ROBO1: variants seen among roughly 807,000 people sequenced by gnomAD.
ROBO1 encodes roundabout homolog 1.
Under a neutral mutation model 195.9 loss-of-function variants are expected in ROBO1, and 149 were observed. That is an observed-to-expected ratio of 0.76 (90% CI 0.67 to 0.87). ROBO1 has a LOEUF of 0.87. Ranked by LOEUF, ROBO1 falls within the 40% of genes least tolerant of loss-of-function variation. ROBO1 has a pLI of 0.00. For synonymous variants in ROBO1, 816 were observed against 733.2 expected (o/e 1.11, Z -1.82); for missense variants, 1,933 against 2,068.3 (o/e 0.93, Z 1.27).
chr3:78,850,529 T>C (rs72896444), intron 4 of ROBO1, among the ~76,000 whole-genome samples: 4,261 of 152,266 alleles, frequency 0.028, 149 homozygotes, highest in African/African-American at 0.087. Flanking sequence ...ATAAATGTCA[T>C]AGGTAGAATA....
intron 1 of ROBO1, among the ~76,000 whole-genome samples, chr3:79,614,519 CATG>C (rs1433881296): frequency 1.2e-4 from 18 of 152,004 alleles, no homozygotes; most frequent in Non-Finnish European, 2.1e-4. Context: ...AGCGATGCCT[CATG>C]ATATTTGGTC....
At chr3:78,807,613 GAA>G (rs2084587087) in intron 4 of ROBO1, among the ~76,000 whole-genome samples, 1 of 152,234 alleles carries the variant, frequency 6.6e-6, no homozygotes, top group African/African-American at 2.4e-5. Context: ...CAGAAAAGGT[GAA>G]GTTACTAGGC....
chr3:78,803,555 G>A (rs147911804), intron 4 of ROBO1, among the ~76,000 whole-genome samples: 69 of 152,164 alleles, frequency 4.5e-4, no homozygotes, highest in African/African-American at 1.6e-3. Context: ...TAGTTCCTGC[G>A]AGTAAGTCGT....
intron 4 of ROBO1, among the ~76,000 whole-genome samples, chr3:78,883,958 A>G (rs1225557742): frequency 6.6e-6 from 1 of 152,280 alleles, no homozygotes; most frequent in South Asian, 2.1e-4. Context: ...CATGTGCAAA[A>G]TCAGAGAGCC....
At chr3:79,451,239 G>A (rs565713379) in intron 2 of ROBO1, among the ~76,000 whole-genome samples, 1 of 152,122 alleles carries the variant, frequency 6.6e-6, no homozygotes, top group Non-Finnish European at 1.5e-5. Flanking sequence ...TAAAATGCTG[G>A]AAACTTCACA....
chr3:78,804,142 T>C (rs920167305), intron 4 of ROBO1, among the ~76,000 whole-genome samples: 1 of 152,150 alleles, frequency 6.6e-6, no homozygotes, highest in East Asian at 1.9e-4. Context: ...TAAAAAATAA[T>C]AGCATTAATA....
intron 3 of ROBO1, among the ~76,000 whole-genome samples, chr3:79,064,770 A>G (rs1187849146): frequency 6.6e-6 from 1 of 151,996 alleles, no homozygotes; most frequent in African/African-American, 2.4e-5. Context: ...CTGGTCCCAG[A>G]TAGATTTCAT....
chr3:78,714,755 G>A (rs954340778), intron 7 of ROBO1: 2 of 391,834 alleles, frequency 5.1e-6, no homozygotes, highest in South Asian at 7.4e-5. Context: ...GGTAAAGTTG[G>A]CATTTATTTA....
chr3:79,615,998 A>C (rs577273530), intron 1 of ROBO1, among the ~76,000 whole-genome samples: 3 of 152,312 alleles, frequency 2.0e-5, no homozygotes, highest in Admixed American at 6.5e-5. Flanking sequence ...AGGAACTTGC[A>C]GTTCCACGGA....
At chr3:78,741,299 G>A (rs1483687696) in intron 5 of ROBO1, among the ~76,000 whole-genome samples, 2 of 152,094 alleles carry the variant, frequency 1.3e-5, no homozygotes, top group South Asian at 4.2e-4. Context: ...CTGGAACTTG[G>A]TGCAATTGTC....
intron 1 of ROBO1, among the ~76,000 whole-genome samples, chr3:79,699,655 G>GT (rs61351890): frequency 0.055 from 8,147 of 149,004 alleles, 244 homozygotes; most frequent in Middle Eastern, 0.096. Context: ...GTATGTTGTT[G>GT]TTTTTTTTTC....
intron 1 of ROBO1, among the ~76,000 whole-genome samples, chr3:79,671,982 C>G (rs1946645937): frequency 6.6e-6 from 1 of 151,900 alleles, no homozygotes; most frequent in African/African-American, 2.4e-5. Flanking sequence ...AATCCTATTC[C>G]TCTGTCACTT....
intron 2 of ROBO1, among the ~76,000 whole-genome samples, chr3:79,284,174 G>A (rs2031734644): frequency 6.6e-6 from 1 of 151,742 alleles, no homozygotes; most frequent in African/African-American, 2.4e-5. Context: ...CCCTAGATAT[G>A]TCGATGTTCT....
intron 2 of ROBO1, among the ~76,000 whole-genome samples, chr3:79,322,171 G>A (rs910695551): frequency 6.6e-6 from 1 of 152,086 alleles, no homozygotes; most frequent in Non-Finnish European, 1.5e-5. Context: ...GTGCTCAGGT[G>A]GTTTCTACAC....
chr3:78,699,395 C>A (rs868208420), intron 8 of ROBO1, among the ~76,000 whole-genome samples: 294 of 82,948 alleles, frequency 3.5e-3, no homozygotes, highest in East Asian at 5.4e-3. Flanking sequence ...ACTAAAAATA[C>A]AAAAAAAAAA....
rs1298820316 is a variant in ROBO1 at position 79,038,668 on chromosome 3, T to G, written c.172+86788A>C. On this transcript the variant is annotated intron_variant, in intron 3 of 30. Transcript: ENST00000464233. Reference sequence around the variant, plus strand: ...TTCCTACAATGATTTTAAAATTCAGTCAAAAATAATCTATGAAACATTAAA... The same window carrying G: ...TTCCTACAATGATTTTAAAATTCAGGCAAAAATAATCTATGAAACATTAAA... Among the ~76,000 whole-genome samples the G allele has an allele frequency of 2.0e-5, 3 of 148,530 alleles. No homozygotes were observed. The East Asian group carries it at 6.0e-4, about 30-fold the overall frequency.
intron 2 of ROBO1, among the ~76,000 whole-genome samples, chr3:79,320,474 T>C (rs894225254): frequency 1.3e-5 from 2 of 152,114 alleles, no homozygotes; most frequent in Non-Finnish European, 2.9e-5. Flanking sequence ...ACTACAGGTG[T>C]GTACCATCAT....
intron 4 of ROBO1, among the ~76,000 whole-genome samples, chr3:78,871,390 C>A (rs1278277712): frequency 6.6e-6 from 1 of 152,132 alleles, no homozygotes; most frequent in Non-Finnish European, 1.5e-5. Flanking sequence ...TTTAGGTTTT[C>A]ATCCTTTCTA....
intron 5 of ROBO1, among the ~76,000 whole-genome samples, chr3:78,724,228 T>A (rs562346217): frequency 6.6e-6 from 1 of 152,176 alleles, no homozygotes; most frequent in South Asian, 2.1e-4. Context: ...TTGAAATGGA[T>A]CTTAAAAGGC....
Sources: gnomAD v4.1 joint callset for allele counts (sites outside exome capture counted in the v4.1 genomes callset) on GRCh38, gnomAD v4.1.1 for gene constraint, MANE v1.5 for transcripts, NCBI Gene and HGNC (gene_info 2026-07-23, HGNC 2026-07-21) for gene names.